Variants in LRP2 observed in about 807,000 individuals in gnomAD.
LRP2 encodes the protein low-density lipoprotein receptor-related protein 2.
Under a neutral mutation model 531.0 loss-of-function variants are expected in LRP2, and 172 were observed. That is an observed-to-expected ratio of 0.32 (90% CI 0.29 to 0.37). The LOEUF (loss-of-function observed/expected upper bound fraction) is 0.37, where lower values mean the gene tolerates loss of function less well. Among genes scored for constraint, LRP2 ranks in the 10% least tolerant of loss-of-function variants. The pLI is 1.00. For missense variants in LRP2, 5,167 were observed against 5,868.3 expected (o/e 0.88, Z 3.90); for synonymous variants, 1,992 against 2,027.6 (o/e 0.98, Z 0.47).
chr2:169,187,925 T>C (rs1166506088), intron 49 of LRP2, 45 bp downstream of exon 49: 1 of 1,596,740 alleles, frequency 6.3e-7, no homozygotes, highest in South Asian at 1.1e-5. Flanking sequence ...GAATCCATAT[T>C]CAGTCTCCCC....
intron 19 of LRP2, among the ~76,000 whole-genome samples, chr2:169,251,868 G>A (rs1240869006): frequency 1.1e-3 from 74 of 70,110 alleles, no homozygotes; most frequent in Non-Finnish European, 1.6e-3. Context: ...ACACCTCTTC[G>A]CAAATAAACT....
chr2:169,181,707 A>T (rs994183088), intron 51 of LRP2, 89 bp from the exon 52 acceptor site: 50 of 1,138,072 alleles, frequency 4.4e-5, no homozygotes, highest in Non-Finnish European at 4.0e-5. Flanking sequence ...AGAGAAATGG[A>T]GTCTGCATTC....
chr2:169,309,005 G>C (rs1272546566), intron 3 of LRP2, among the ~76,000 whole-genome samples: 1 of 152,114 alleles, frequency 6.6e-6, no homozygotes, highest in Non-Finnish European at 1.5e-5. Flanking sequence ...GTGTCTGTTG[G>C]CTGCATAAAT....
In LRP2 at chr2:169,197,120, T is replaced by C. The variant is rs1688031039; in HGVS notation, c.8579-90A>G. 5 of 1,489,468 alleles carry C rather than the reference T, an allele frequency of 3.4e-6. No individual in the cohort carries two copies. In the Admixed American group the frequency reaches 5.4e-5, roughly 16 times the overall value. 92.3% of individuals were successfully genotyped at this position (1,489,468 alleles called of 1,614,324 possible). On this transcript the variant is annotated intron_variant, in intron 45 of 78. Coordinates refer to ENST00000649046, the MANE Select transcript of LRP2 (RefSeq NM_004525.3). ...AATCTGCCTCTATCTCTGAGCTAGA[T>C]AATAGTTACCAAAAAAGGAAGACTG...
In LRP2 at chr2:169,145,829, T is replaced by A; in HGVS notation, c.12906A>T (p.Gln4302His). The part of the protein sequence containing the change: ...GEVWKQNKFG[Q>H]GKKEKTLVVN... The stretch of plus-strand genomic sequence containing the variant: ...CTACCAGCGTTTTCTCTTTCTTTCC[T>A]TGCCCAAATTTATTTTGTTTCCATA... The change falls in exon 70 of 79, where the codon CAA (glutamine) becomes CAT (histidine). Residue 4302 changes from glutamine to histidine, a missense_variant. Transcript: ENST00000649046. 6.2e-7 allele frequency: 1 copy of A among 1,614,184 alleles called. No homozygotes were observed. The highest frequency in any genetic ancestry group is 8.5e-7 in the Non-Finnish European group (1 of 1,180,012).
intron 63 of LRP2, among the ~76,000 whole-genome samples, chr2:169,158,037 C>T (rs1686404092): frequency 6.9e-6 from 1 of 144,286 alleles, no homozygotes; most frequent in African/African-American, 2.6e-5. Context: ...CTATAATTTC[C>T]CTAACATTGA....
At chr2:169,184,398 A>G (rs1311878394) in intron 50 of LRP2, among the ~76,000 whole-genome samples, 1 of 152,176 alleles carries the variant, frequency 6.6e-6, no homozygotes, top group Admixed American at 6.5e-5. Context: ...GTCCCCACCC[A>G]TTTTAGGATC....
At chr2:169,275,687 G>T (rs879778503) in intron 13 of LRP2, among the ~76,000 whole-genome samples, 3 of 152,100 alleles carry the variant, frequency 2.0e-5, no homozygotes, top group Non-Finnish European at 2.9e-5. Context: ...AGCAATTAGG[G>T]AGCAGGACAG....
At chr2:169,359,701 G>T (rs1311866331) in intron 1 of LRP2, among the ~76,000 whole-genome samples, 1 of 152,154 alleles carries the variant, frequency 6.6e-6, no homozygotes, top group East Asian at 1.9e-4. Context: ...CCTGAGGAGA[G>T]ATTCTGGAAA....
intron 59 of LRP2, 144 bp downstream of exon 59, chr2:169,170,407 C>T (rs1366497605): frequency 6.7e-6 from 5 of 749,362 alleles, no homozygotes; most frequent in Middle Eastern, 2.3e-4. Context: ...AAATACAGAG[C>T]AGAAGATACT....
intron 68 of LRP2, among the ~76,000 whole-genome samples, chr2:169,150,585 T>C (rs1043032641): frequency 6.6e-6 from 1 of 152,316 alleles, no homozygotes; most frequent in Middle Eastern, 3.4e-3. Flanking sequence ...GGAAAAACAA[T>C]TCTGTTGAAA....
intron 38 of LRP2, among the ~76,000 whole-genome samples, chr2:169,207,991 G>A (rs1340160532): frequency 6.6e-6 from 1 of 152,134 alleles, no homozygotes; most frequent in African/African-American, 2.4e-5. Flanking sequence ...AGAGAAATCA[G>A]GCCAATGTGA....
intron 34 of LRP2, among the ~76,000 whole-genome samples, chr2:169,220,138 C>T (rs560353062): frequency 4.6e-5 from 7 of 152,120 alleles, no homozygotes; most frequent in African/African-American, 1.2e-4. Context: ...TAGAGCTTTC[C>T]GTGTCCTTTC....
At chr2:169,282,703 A>G (rs1053943515) in intron 10 of LRP2, among the ~76,000 whole-genome samples, 170 bp downstream of exon 10, 1 of 152,202 alleles carries the variant, frequency 6.6e-6, no homozygotes, top group African/African-American at 2.4e-5. Flanking sequence ...TCAAAGTATG[A>G]AATTAATGTT....
rs1685196843 is a variant in LRP2, at chr2:169,129,148, T to G, written c.13729-64A>C. On this transcript the variant is annotated intron_variant, in intron 77 of 78. Coordinates refer to ENST00000649046, the MANE Select transcript of LRP2 (RefSeq NM_004525.3). ...GAATTATTTTGTGGGTTTCTTTTCC[T>G]CCTGTCTCAGTTTTAAAATTTCTTC... The G allele has an allele frequency of 3.4e-6, 4 of 1,182,726 alleles. No homozygotes were observed. The Admixed American group carries it at 6.8e-5, about 20-fold the overall frequency. 73.3% of individuals were successfully genotyped at this position (1,182,726 alleles called of 1,614,324 possible).
chr2:169,213,902 G>A, intron 35 of LRP2, 32 bp from the exon 36 acceptor site: 1 of 1,485,226 alleles, frequency 6.7e-7, no homozygotes, highest in African/African-American at 1.4e-5. Flanking sequence ...TAGTTTCATG[G>A]ATTCATAGTG....
chr2:169,139,505 T>C (rs1685644251), intron 73 of LRP2, 38 bp downstream of exon 73: 1 of 1,611,676 alleles, frequency 6.2e-7, no homozygotes, highest in African/African-American at 1.3e-5. Flanking sequence ...GTAGGGGCCA[T>C]GAGTAATTTC....
intron 31 of LRP2, among the ~76,000 whole-genome samples, chr2:169,229,028 G>A (rs535469113): frequency 5.9e-5 from 9 of 152,282 alleles, no homozygotes; most frequent in Admixed American, 1.3e-4. Flanking sequence ...CATGTACCAC[G>A]AAGTGCCACA....
At chr2:169,181,281 C>A (rs919699120) in intron 52 of LRP2, among the ~76,000 whole-genome samples, 167 bp downstream of exon 52, 2 of 152,186 alleles carry the variant, frequency 1.3e-5, no homozygotes, top group Admixed American at 1.3e-4. Context: ...TTCTACTGCA[C>A]CATACCATAG....
Sources: gnomAD v4.1 joint callset for allele counts (sites outside exome capture counted in the v4.1 genomes callset) on GRCh38, gnomAD v4.1.1 for gene constraint, MANE v1.5 for transcripts, NCBI Gene and HGNC (gene_info 2026-07-23, HGNC 2026-07-21) for gene names.